SBSN: variants seen among roughly 807,000 people sequenced by gnomAD.
SBSN encodes the protein suprabasin, also known as HLAR698.
In SBSN, 33 loss-of-function variants were observed where a neutral mutation model predicts 42.8. The ratio of observed to expected loss-of-function variants is 0.77; its 90% CI spans 0.58 to 1.03. The LOEUF is 1.03. SBSN is among the 50% of genes least tolerant of loss of function. SBSN has a pLI of 0.00. For synonymous variants in SBSN, 276 were observed against 307.0 expected, an observed-to-expected ratio of 0.90 and a Z score of 1.06; for missense variants, 646 against 757.3, an observed-to-expected ratio of 0.85 and a Z score of 1.72.
chr19:35,527,516 C>A lies in SBSN; in HGVS notation c.766G>T (p.Glu256Ter), dbSNP rs1482561578. The A allele has an allele frequency of 2.6e-6, 4 of 1,530,134 alleles. No individual in the cohort carries two copies. Among genetic ancestry groups the A allele is most frequent in the Non-Finnish European group, 3.5e-6 (4 of 1,148,074 alleles). The allele number at this position is 1,530,134 out of a possible 1,614,324, so 94.8% of individuals were successfully genotyped here. A position where few individuals can be genotyped will look rare whatever the true frequency, so the allele number is the denominator to read the frequency against. Residue 256 changes from glutamate (E) to a stop codon, truncating the protein, a stop_gained, in exon 1 of 4, where the codon GAG becomes TAG. Coordinates refer to ENST00000452271, the MANE Select transcript of SBSN (RefSeq NM_001166034.2). LOFTEE classifies it high-confidence loss of function. ...AHHAAGQAGN[E>*]AGRFGQGVHH... The stretch of plus-strand genomic sequence containing the variant: ...ACCCCCTGGCCAAATCTCCCTGCCT[C>A]ATTTCCGGCCTGCCCCGCAGCATGG...
At chr19:35,525,388 A>G (rs1600119867) in intron 1 of SBSN, among the ~76,000 whole-genome samples, 1 of 151,628 alleles carries the variant, frequency 6.6e-6, no homozygotes, top group Admixed American at 6.6e-5. Flanking sequence ...CCCAAATCCT[A>G]CAGTGCACCG....
In SBSN at chr19:35,526,917, T is replaced by A; in HGVS notation, c.1365A>T (p.Ala455=). Residue 455 remains alanine, a synonymous_variant, in exon 1 of 4, where the codon GCA becomes GCT. Coordinates refer to ENST00000452271, the MANE Select transcript of SBSN (RefSeq NM_001166034.2). ...GGTGAACTCCCTGGCCAAACTGCCC[T>A]GCCTCCTTCCCGGCCTCGTGGACCC... ...QPGVHEAGKE[A]GQFGQGVHHT... is the part of the protein sequence containing the mutation. 6.2e-7 allele frequency: 1 copy of A among 1,606,070 alleles called. No individual in the cohort carries two copies.
Position 35,526,810 on chromosome 19 carries a change from G to A in SBSN, c.1472C>T (p.Ala491Val), listed in dbSNP as rs557557187. The change falls in exon 1 of 4, where the codon GCA becomes GTA. Residue 491 changes from alanine to valine, a missense_variant. This residue lies in a region of SBSN where 236 missense variants were observed against 225.6 expected (regional missense o/e 1.05). Transcript: ENST00000452271. ...GTTGACCCCTTGGCCAAGTTTCTCT[G>A]CTTCCTTCCCAGCCTGGTGGACCCC... ...HTGVHQAGKE[A>V]EKLGQGVNHA... 1.1e-4 allele frequency: 183 copies of A among 1,613,618 alleles called. No individual in the cohort carries two copies. In the East Asian group the frequency reaches 2.7e-3, roughly 24 times the overall value.
chr19:35,523,720 G>A (rs1860675875), intron 3 of SBSN, among the ~76,000 whole-genome samples, 187 bp from the exon 4 acceptor site: 1 of 152,182 alleles, frequency 6.6e-6, no homozygotes, highest in South Asian at 2.1e-4. Flanking sequence ...GTCCCCACAG[G>A]CAGAGGGGCT....
rs1454225509 is a variant in SBSN at position 35,528,117 on chromosome 19, G to C, written c.165C>G (p.Asn55Lys). 1.2e-6 allele frequency: 2 copies of C among 1,614,010 alleles called. No individual in the cohort carries two copies. Among genetic ancestry groups the C allele is most frequent in the East Asian group, 2.2e-5 (1 of 44,850 alleles). ...REVGKALDGINSGITHAGREV... is the reference protein window; with the variant it reads ...REVGKALDGIKSGITHAGREV... ...CCCTTCCGGCATGCGTGATTCCACT[G>C]TTGATGCCATCCAGGGCCTTGCCCA... is the stretch of plus-strand genomic sequence containing the variant. The change falls in exon 1 of 4, where the codon AAC (asparagine) becomes AAG (lysine). Residue 55 changes from asparagine (N) to lysine (K), a missense_variant. Coordinates refer to ENST00000452271, the MANE Select transcript of SBSN (RefSeq NM_001166034.2).
rs1036497942 is a variant in SBSN at position 35,526,903 on chromosome 19, T to A, written c.1379A>T (p.Gln460Leu). Residue 460 changes from glutamine (Q) to leucine (L), a missense_variant, in exon 1 of 4, where the codon CAG (glutamine) becomes CTG (leucine). Gln to Leu is a moderately radical substitution (Grantham distance 113). This residue lies in a region of SBSN where 236 missense variants were observed against 225.6 expected (regional missense o/e 1.05). Transcript: ENST00000452271. ...CTGTTCAAGGGTATGGTGAACTCCCTGGCCAAACTGCCCTGCCTCCTTCCC... is the reference window on the plus strand; with the variant it reads ...CTGTTCAAGGGTATGGTGAACTCCCAGGCCAAACTGCCCTGCCTCCTTCCC... ...EAGKEAGQFGQGVHHTLEQAG... is the reference protein window; with the variant it reads ...EAGKEAGQFGLGVHHTLEQAG... The A allele has an allele frequency of 5.0e-6, 8 of 1,610,676 alleles. No homozygotes were observed. Among genetic ancestry groups the A allele is most frequent in the Non-Finnish European group, 6.8e-6 (8 of 1,178,430 alleles).
Position 35,528,290 on chromosome 19 carries a change from G to A in SBSN, c.-9C>T. The stretch of plus-strand genomic sequence containing the variant: ...AGACGTGCAAGATGCATATTGCTGG[G>A]AAGGTCGGGAAGGATGCAGAGAGGA... On this transcript the variant is annotated 5_prime_UTR_variant, in exon 1 of 4. Coordinates refer to ENST00000452271, the MANE Select transcript of SBSN (RefSeq NM_001166034.2). The A allele has an allele frequency of 1.3e-6, 2 of 1,591,834 alleles. No individual in the cohort carries two copies. Among genetic ancestry groups the A allele is most frequent in the Non-Finnish European group, 8.5e-7 (1 of 1,170,648 alleles).
Position 35,527,537 on chromosome 19 carries a change from C to A in SBSN, c.745G>T (p.Ala249Ser), listed in dbSNP as rs546608779. The change falls in exon 1 of 4, where the codon GCT becomes TCT. Residue 249 changes from alanine to serine, a missense_variant. This residue lies in a region of SBSN where 220 missense variants were observed against 334.5 expected (regional missense o/e 0.66). Transcript: ENST00000452271. ...AEKFGQGAHH[A>S]AGQAGNEAGR... ...GCCTCATTTCCGGCCTGCCCCGCAG[C>A]ATGGTGGGCCCCCTGGCCAAACTTC... 2.0e-6 allele frequency: 3 copies of A among 1,525,280 alleles called. No homozygotes were observed. Among genetic ancestry groups the A allele is most frequent in the East Asian group, 2.6e-5 (1 of 39,082 alleles). The allele number at this position is 1,525,280 out of a possible 1,614,324, so 94.5% of individuals were successfully genotyped here.
intron 3 of SBSN, among the ~76,000 whole-genome samples, chr19:35,524,210 A>G (rs576940146): frequency 5.9e-5 from 9 of 152,252 alleles, no homozygotes; most frequent in African/African-American, 2.2e-4. Context: ...GAGAGTCAGG[A>G]GTTTACTTTG....
Position 35,524,904 on chromosome 19 carries a change from A to AGATCCGCTTTGATGGTTGCCCTGTG in SBSN, c.1639-5_1658dup (p.Ser554ThrfsTer56), listed in dbSNP as rs2071352695. On this transcript the variant is annotated frameshift_variant, in exon 2 of 4. Coordinates refer to ENST00000452271, the MANE Select transcript of SBSN (RefSeq NM_001166034.2). LOFTEE classifies it high-confidence loss of function. ...TTGTGGCCCCTCCTTGATGGCTGGAAGATCCGCTTTGATGGTTGCCCTGTG... is the reference window on the plus strand; with the variant it reads ...TTGTGGCCCCTCCTTGATGGCTGGAAGATCCGCTTTGATGGTTGCCCTGTGGATCCGCTTTGATGGTTGCCCTGTG... 1 of 1,613,958 alleles carries AGATCCGCTTTGATGGTTGCCCTGTG rather than the reference A, an allele frequency of 6.2e-7. No individual in the cohort carries two copies. Among genetic ancestry groups the AGATCCGCTTTGATGGTTGCCCTGTG allele is most frequent in the South Asian group, 1.1e-5 (1 of 91,086 alleles).
chr19:35,526,459 A>G (rs2071371003), intron 1 of SBSN, among the ~76,000 whole-genome samples, 185 bp downstream of exon 1: 1 of 152,124 alleles, frequency 6.6e-6, no homozygotes. Context: ...CCATCTGACC[A>G]GCTGCCACCA....
rs1048538723 is a variant in SBSN, at chr19:35,527,115, A to G, written c.1167T>C (p.Gly389=). The G allele has an allele frequency of 1.3e-6, 2 of 1,529,092 alleles. No homozygotes were observed. Among genetic ancestry groups the G allele is most frequent in the African/African-American group, 2.9e-5 (2 of 70,166 alleles). The allele number at this position is 1,529,092 out of a possible 1,614,324, so 94.7% of individuals were successfully genotyped here. Residue 389 remains glycine (G), a synonymous_variant, in exon 1 of 4, where the codon GGT becomes GGC. Transcript: ENST00000452271. ...AWKEAEKFGQ[G]VHHAASQVGK... The stretch of plus-strand genomic sequence containing the variant: ...CCACCTGCGAGGCAGCATGGTGGAC[A>G]CCCTGGCCAAACTTCTCTGCTTCCT...
rs2071406791 is a variant in SBSN at position 35,528,239 on chromosome 19, G to A, written c.43C>T (p.Leu15=). 14 of 1,613,500 alleles carry A rather than the reference G, an allele frequency of 8.7e-6. No individual in the cohort carries two copies. The highest frequency in any genetic ancestry group is 1.3e-5 in the African/African-American group (1 of 74,910). Residue 15 remains leucine (L), a synonymous_variant, in exon 1 of 4, where the codon CTA becomes TTA. Coordinates refer to ENST00000452271, the MANE Select transcript of SBSN (RefSeq NM_001166034.2). ...RLVGSCSLLL[L]LGALSGWAAS... is the part of the protein sequence containing the mutation. ...GCCCATCCAGACAGGGCCCCCAGTA[G>A]CAGAAGGAGGGAGCAGGAGCCGACC...
chr19:35,525,051 C>A, intron 1 of SBSN, 127 bp from the exon 2 acceptor site: 1 of 937,028 alleles, frequency 1.1e-6, no homozygotes, highest in South Asian at 1.5e-5. Context: ...GCTTAACCCA[C>A]TGCCTCCTCA....
At chr19:35,526,258 C>G (rs2071368745) in intron 1 of SBSN, among the ~76,000 whole-genome samples, 1 of 152,194 alleles carries the variant, frequency 6.6e-6, no homozygotes, top group African/African-American at 2.4e-5. Context: ...ACTCTCCTAA[C>G]CAGGTTTTGT....
chr19:35,524,998 C>T, intron 1 of SBSN, 74 bp from the exon 2 acceptor site: 1 of 1,508,262 alleles, frequency 6.6e-7, no homozygotes, highest in Non-Finnish European at 9.1e-7. Context: ...TCCCCAGGGA[C>T]CTGGTCCCCT....
chr19:35,527,559 C>A lies in SBSN; in HGVS notation c.723G>T (p.Lys241Asn). ...CAGCATGGTGGGCCCCCTGGCCAAA[C>A]TTCTCTGCCTCCTTCCCAACCTGAC... ...AAGQVGKEAE[K>N]FGQGAHHAAG... Residue 241 changes from lysine (K) to asparagine (N), a missense_variant, in exon 1 of 4, where the codon AAG becomes AAT. This residue lies in a region of SBSN where 220 missense variants were observed against 334.5 expected (regional missense o/e 0.66). Transcript: ENST00000452271. 1 of 1,525,340 alleles carries A rather than the reference C, an allele frequency of 6.6e-7. No individual in the cohort carries two copies. 94.5% of individuals were successfully genotyped at this position (1,525,340 alleles called of 1,614,324 possible). A position where few individuals can be genotyped will look rare whatever the true frequency, so the allele number is the denominator to read the frequency against.
intron 3 of SBSN, among the ~76,000 whole-genome samples, chr19:35,523,910 CTTACGCCT>C (rs2071339776): frequency 1.3e-5 from 2 of 152,356 alleles, no homozygotes; most frequent in South Asian, 2.1e-4. Context: ...GGTGCAGTGG[CTTACGCCT>C]GTAATCCCAG....
chr19:35,527,628 C>T lies in SBSN; in HGVS notation c.654G>A (p.Trp218Ter), dbSNP rs2146285909. Residue 218 changes from tryptophan to a stop codon, truncating the protein, a stop_gained, in exon 1 of 4, where the codon TGG becomes TGA. Transcript: ENST00000452271. LOFTEE classifies it high-confidence loss of function. ...QGAHHGLSEG[W>*]KETEKFGQGI... is the part of the protein sequence containing the mutation. The stretch of plus-strand genomic sequence containing the variant: ...CCTGGCCAAACTTCTCTGTCTCCTT[C>T]CAGCCCTCACTGAGACCATGGTGGG... The T allele has an allele frequency of 6.5e-7, 1 of 1,529,530 alleles. No individual in the cohort carries two copies. Among genetic ancestry groups the T allele is most frequent in the South Asian group, 1.2e-5 (1 of 83,284 alleles). 94.7% of individuals were successfully genotyped at this position (1,529,530 alleles called of 1,614,324 possible). A position where few individuals can be genotyped will look rare whatever the true frequency, so the allele number is the denominator to read the frequency against.
Sources: gnomAD v4.1 joint callset for allele counts (sites outside exome capture counted in the v4.1 genomes callset) on GRCh38, gnomAD v4.1.1 for gene constraint, gnomAD v4.1.1 regional missense constraint, MANE v1.5 for transcripts, NCBI Gene and HGNC (gene_info 2026-07-23, HGNC 2026-07-21) for gene names.